Variants in SHTN1 observed in about 807,000 individuals in gnomAD.
SHTN1 encodes shootin-1.
Under a neutral mutation model 83.1 loss-of-function variants are expected in SHTN1, and 42 were observed. The observed-to-expected ratio is 0.51, with a 90% CI of 0.39 to 0.65. The LOEUF is 0.65. Ranked by LOEUF, SHTN1 falls within the 30% of genes least tolerant of loss-of-function variation. The pLI is 0.00. For missense variants in SHTN1, 622 were observed against 737.8 expected, an observed-to-expected ratio of 0.84 and a Z score of 1.82; for synonymous variants, 224 against 247.7, an observed-to-expected ratio of 0.90 and a Z score of 0.90.
intron 13 of SHTN1, 60 bp from the exon 14 acceptor site, chr10:116,911,903 T>C: frequency 1.6e-6 from 2 of 1,218,368 alleles, no homozygotes; most frequent in Non-Finnish European, 2.4e-6. Flanking sequence ...TACTAAACAA[T>C]GATTTTTACA....
rs1376565709 is a variant in SHTN1, at chr10:117,021,110, C to T, written c.-123+27335G>A. Among the ~76,000 whole-genome samples the T allele has an allele frequency of 4.6e-5, 7 of 152,158 alleles. 1 individual carries two copies. Among genetic ancestry groups the T allele is most frequent in the African/African-American group, 1.4e-4 (6 of 41,438 alleles). On this transcript the variant is annotated intron_variant, in intron 2 of 17. Transcript: ENST00000392901. ...AATGATGGCCAGGCGCGGTGGCTCA[C>T]GCCTGTAATCCCAGCACTTTGGGAG... is the stretch of plus-strand genomic sequence containing the variant.
intron 1 of SHTN1, among the ~76,000 whole-genome samples, chr10:116,989,051 C>T (rs1466694904): frequency 6.6e-6 from 1 of 152,068 alleles, no homozygotes; most frequent in Non-Finnish European, 1.5e-5. Context: ...CCCCAAAAAT[C>T]CATATAATTA....
Position 117,087,447 on chromosome 10 carries a change from A to T in SHTN1, c.-189+38860T>A, listed in dbSNP as rs147260233. 3.3e-3 allele frequency among the ~76,000 whole-genome samples: 503 copies of T among 152,314 alleles called. 5 individuals carry two copies. The highest frequency in any genetic ancestry group is 0.012 in the African/African-American group (486 of 41,576). On this transcript the variant is annotated intron_variant, in intron 1 of 17. Coordinates refer to the SHTN1 transcript ENST00000392901. ...CAGAGAATAAAAAGCCACCACATAG[A>T]TACATTTATTTACATTTGGCACATG...
intron 9 of SHTN1, among the ~76,000 whole-genome samples, chr10:116,938,656 T>G (rs1276755957): frequency 6.6e-6 from 1 of 152,220 alleles, no homozygotes. Context: ...GGGATCCACC[T>G]GAGGAGGCAG....
At chr10:116,962,973 C>G (rs1850236116) in intron 3 of SHTN1, among the ~76,000 whole-genome samples, 1 of 141,664 alleles carries the variant, frequency 7.1e-6, no homozygotes, top group Non-Finnish European at 1.5e-5. Flanking sequence ...AGTCAAGTCA[C>G]ATGACGCAAA....
chr10:116,968,776 G>C, intron 2 of SHTN1, 64 bp from the exon 3 acceptor site: 1 of 1,293,944 alleles, frequency 7.7e-7, no homozygotes, highest in Non-Finnish European at 1.1e-6. Flanking sequence ...GAAAAGGCAA[G>C]CAAGAGCAAA....
At chr10:116,900,572 A>C in intron 16 of SHTN1, 1 of 1,533,414 alleles carries the variant, frequency 6.5e-7, no homozygotes, top group African/African-American at 1.4e-5. Context: ...AAAAATCTAT[A>C]CACACACACT....
chr10:117,097,095 A>G (rs933248631), intron 1 of SHTN1, among the ~76,000 whole-genome samples: 2 of 152,100 alleles, frequency 1.3e-5, no homozygotes, highest in African/African-American at 4.8e-5. Context: ...GTAGGGGCAA[A>G]GGGAAATTCA....
At chr10:116,946,585 A>C (rs1228515736) in intron 7 of SHTN1, among the ~76,000 whole-genome samples, 1 of 115,632 alleles carries the variant, frequency 8.6e-6, no homozygotes, top group Non-Finnish European at 1.7e-5. Context: ...AAAATGATTT[A>C]TATATAAATA....
intron 1 of SHTN1, among the ~76,000 whole-genome samples, chr10:117,081,847 T>C (rs1284774373): frequency 2.6e-5 from 4 of 151,936 alleles, no homozygotes; most frequent in Non-Finnish European, 5.9e-5. Context: ...TATTCTCTGA[T>C]GGTAGTTTGT....
At chr10:116,914,976 C>T (rs1201628891) in intron 13 of SHTN1, among the ~76,000 whole-genome samples, 2 of 152,166 alleles carry the variant, frequency 1.3e-5, no homozygotes, top group East Asian at 1.9e-4. Context: ...CTCAGCAAGG[C>T]GAGGGTTTTC....
chr10:117,110,806 G>A (rs1350999947), intron 1 of SHTN1, among the ~76,000 whole-genome samples: 1 of 152,068 alleles, frequency 6.6e-6, no homozygotes, highest in Non-Finnish European at 1.5e-5. Flanking sequence ...CCAGGCACCA[G>A]GCTCAGCATT....
chr10:117,122,878 G>A (rs912720036), intron 1 of SHTN1, among the ~76,000 whole-genome samples: 1 of 152,172 alleles, frequency 6.6e-6, no homozygotes, highest in African/African-American at 2.4e-5. Context: ...AGGCAGTTTA[G>A]CCAATGCTTC....
intron 1 of SHTN1, among the ~76,000 whole-genome samples, chr10:116,996,156 TGA>T (rs755697709): frequency 3.9e-5 from 6 of 152,182 alleles, no homozygotes; most frequent in Admixed American, 6.5e-5. Context: ...GAAATTAGTG[TGA>T]GAGAGGAAAA....
chr10:116,978,236 C>T (rs753682767), intron 2 of SHTN1, among the ~76,000 whole-genome samples: 6 of 152,110 alleles, frequency 3.9e-5, no homozygotes, highest in Non-Finnish European at 8.8e-5. Context: ...AAATATAATT[C>T]TAAAGAGCCC....
At chr10:117,061,094 G>GT (rs1278557192) in intron 1 of SHTN1, among the ~76,000 whole-genome samples, 14 of 149,676 alleles carry the variant, frequency 9.4e-5, no homozygotes, top group African/African-American at 3.4e-4. Context: ...ATTATGCATA[G>GT]TTAAGACAAG....
chr10:116,988,057 CA>C (rs1851286087), intron 1 of SHTN1, among the ~76,000 whole-genome samples: 1 of 152,066 alleles, frequency 6.6e-6, no homozygotes, highest in Non-Finnish European at 1.5e-5. Context: ...TATATTTGTC[CA>C]AACCCATAGA....
chr10:116,943,395 A>G (rs1849456365), intron 8 of SHTN1, among the ~76,000 whole-genome samples: 1 of 152,212 alleles, frequency 6.6e-6, no homozygotes, highest in Admixed American at 6.5e-5. Flanking sequence ...GAGACCTGCT[A>G]TTCAGGTCAA....
upstream of SHTN1, among the ~76,000 whole-genome samples, chr10:117,006,392 C>T (rs1852010573): frequency 6.6e-6 from 1 of 151,584 alleles, no homozygotes; most frequent in Non-Finnish European, 1.5e-5. Context: ...CGGTGAAACC[C>T]CGTCTCTACT....
Sources: allele counts gnomAD v4.1 joint callset (sites outside exome capture counted in the v4.1 genomes callset), GRCh38; gene constraint gnomAD v4.1.1; transcripts MANE v1.5; gene names NCBI Gene and HGNC (gene_info 2026-07-23, HGNC 2026-07-21).